Variants in POLR2M observed in about 807,000 individuals in gnomAD.
The protein encoded by POLR2M is protein GRINL1A.
Under a neutral mutation model 34.6 loss-of-function variants are expected in POLR2M, and 30 were observed. That is an observed-to-expected ratio of 0.87 (90% CI 0.65 to 1.18). The LOEUF (loss-of-function observed/expected upper bound fraction) is 1.18, where lower values mean the gene tolerates loss of function less well. Among genes scored for constraint, POLR2M ranks in the 50% most tolerant of loss-of-function variants. The pLI, the probability that POLR2M is intolerant of heterozygous loss-of-function variation, is 0.00. For synonymous variants in POLR2M, 150 were observed against 166.7 expected, an observed-to-expected ratio of 0.90 and a Z score of 0.77; for missense variants, 432 against 448.7, an observed-to-expected ratio of 0.96 and a Z score of 0.34.
chr15:57,709,574 C>T (rs911055811), intron 2 of POLR2M, among the ~76,000 whole-genome samples: 4 of 152,028 alleles, frequency 2.6e-5, no homozygotes, highest in African/African-American at 4.8e-5. Context: ...CTCTAAGTTC[C>T]GTGGGCTTTG....
chr15:57,716,193 C>T lies in POLR2M; in HGVS notation c.*1514C>T, dbSNP rs2040935744. On this transcript the variant is annotated 3_prime_UTR_variant, in exon 4 of 4. Coordinates refer to ENST00000299638, the MANE Select transcript of POLR2M (RefSeq NM_015532.5). ...AAAAATGAAATCATAATGTACATTG[C>T]TTTGTAGTCTGCTCTATATATTGTC... The T allele has an allele frequency of 1.3e-5, 2 of 152,184 alleles. No individual in the cohort carries two copies. The highest frequency in any genetic ancestry group is 2.4e-5 in the African/African-American group (1 of 41,418). 9.4% of individuals were successfully genotyped at this position (152,184 alleles called of 1,614,324 possible).
At chr15:57,710,976 A>C (rs1420062278) in intron 2 of POLR2M, among the ~76,000 whole-genome samples, 1 of 152,086 alleles carries the variant, frequency 6.6e-6, no homozygotes, top group African/African-American at 2.4e-5. Flanking sequence ...ACCCCTGTGC[A>C]CCTCTATCCC....
chr15:57,711,274 C>T (rs1183243378), intron 2 of POLR2M, among the ~76,000 whole-genome samples: 2 of 152,226 alleles, frequency 1.3e-5, no homozygotes, highest in African/African-American at 4.8e-5. Flanking sequence ...ACTCTCATCT[C>T]TCTCGGGCTG....
Position 57,709,329 on chromosome 15 carries a change from GC to G in POLR2M, c.733del (p.Gln245SerfsTer62). On this transcript the variant is annotated frameshift_variant, in exon 2 of 4. Transcript: ENST00000299638. LOFTEE classifies it high-confidence loss of function. ...VLEMRAKNPVPQLRKFKTNVL... is the reference protein window; with the variant it reads ...VLEMRAKNPVXQLRKFKTNVL... The stretch of plus-strand genomic sequence containing the variant: ...TAGAAATGCGAGCCAAAAACCCAGT[GC>G]CCCAGCTGCGTAAATTTAAAACCAA... 1 of 1,613,504 alleles carries G rather than the reference GC, an allele frequency of 6.2e-7. No individual in the cohort carries two copies. The highest frequency in any genetic ancestry group is 8.5e-7 in the Non-Finnish European group (1 of 1,179,738).
At chr15:57,712,774 C>T (rs956572181) in intron 3 of POLR2M, among the ~76,000 whole-genome samples, 4 of 152,154 alleles carry the variant, frequency 2.6e-5, no homozygotes, top group Admixed American at 1.3e-4. Flanking sequence ...ATGTGTTTTG[C>T]ATTGAACTTC....
chr15:57,712,040 T>C lies in POLR2M; in HGVS notation c.815T>C (p.Ile272Thr), dbSNP rs186738481. Residue 272 changes from isoleucine to threonine, a missense_variant, in exon 3 of 4, where the codon ATT (isoleucine) becomes ACT (threonine). Coordinates refer to ENST00000299638, the MANE Select transcript of POLR2M (RefSeq NM_015532.5). The stretch of plus-strand genomic sequence containing the variant: ...CATTGCCAGAAGAGTGGGTCTCCTA[T>C]TTCCTCAGAAGAGCGGCGGCGCAGG... ...SSHCQKSGSP[I>T]SSEERRRRDK... The C allele has an allele frequency of 6.2e-7, 1 of 1,614,096 alleles. No individual in the cohort carries two copies.
chr15:57,712,722 G>A (rs2040783750), intron 3 of POLR2M, among the ~76,000 whole-genome samples: 1 of 152,186 alleles, frequency 6.6e-6, no homozygotes. Flanking sequence ...AATATCTCCT[G>A]CTTTTGGCAG....
intron 1 of POLR2M, among the ~76,000 whole-genome samples, chr15:57,708,427 A>G (rs1280064668): frequency 1.3e-5 from 2 of 152,204 alleles, no homozygotes; most frequent in African/African-American, 2.4e-5. Context: ...GGTTCTTGGA[A>G]TGTCTTATGT....
rs2040917013 is a variant in POLR2M at position 57,715,748 on chromosome 15, T to C, written c.*1069T>C. ...TTAACTTACATTATCAAAAAATTCT[T>C]TGTCTAATATATTGGAGTCTTTAAA... On this transcript the variant is annotated 3_prime_UTR_variant, in exon 4 of 4. Transcript: ENST00000299638. 6.6e-6 allele frequency: 1 copy of C among 152,256 alleles called. No homozygotes were observed. Among genetic ancestry groups the C allele is most frequent in the Non-Finnish European group, 1.5e-5 (1 of 68,046 alleles). The allele number at this position is 152,256 out of a possible 1,614,324, so 9.4% of individuals were successfully genotyped here.
chr15:57,712,735 TAATC>T (rs1411939954), intron 3 of POLR2M, among the ~76,000 whole-genome samples: 1 of 152,238 alleles, frequency 6.6e-6, no homozygotes, highest in Non-Finnish European at 1.5e-5. Context: ...TTTGGCAGCT[TAATC>T]AATTTTGCAT....
At chr15:57,710,969 C>T (rs567954708) in intron 2 of POLR2M, among the ~76,000 whole-genome samples, 36 of 152,250 alleles carry the variant, frequency 2.4e-4, no homozygotes, top group African/African-American at 8.7e-4. Flanking sequence ...GAGGCTGACC[C>T]CTGTGCACCT....
chr15:57,714,421 C>A, intron 3 of POLR2M, 115 bp from the exon 4 acceptor site: 1 of 1,525,274 alleles, frequency 6.6e-7, no homozygotes, highest in Admixed American at 2.0e-5. Context: ...CCCAAGGGAG[C>A]ACTCAGTGAG....
In POLR2M at chr15:57,714,857, G is replaced by A; in HGVS notation, c.*178G>A. On this transcript the variant is annotated 3_prime_UTR_variant, in exon 4 of 4. Transcript: ENST00000299638. The stretch of plus-strand genomic sequence containing the variant: ...AAGGTGACTTTCATGTGCTTGAAAA[G>A]TTTAATATTTGAATATTGTGTTTAA... 1 of 1,030,990 alleles carries A rather than the reference G, an allele frequency of 9.7e-7. No homozygotes were observed. The highest frequency in any genetic ancestry group is 1.4e-6 in the Non-Finnish European group (1 of 726,902). 63.9% of individuals were successfully genotyped at this position (1,030,990 alleles called of 1,614,324 possible). A position where few individuals can be genotyped will look rare whatever the true frequency, so the allele number is the denominator to read the frequency against.
intron 3 of POLR2M, among the ~76,000 whole-genome samples, chr15:57,713,272 T>C (rs2040811844): frequency 1.3e-5 from 2 of 152,088 alleles, no homozygotes; most frequent in Non-Finnish European, 2.9e-5. Context: ...ATTGGCATTA[T>C]CAAGGTGCTC....
chr15:57,707,192 A>G (rs1293489742), intron 1 of POLR2M: 1 of 1,473,486 alleles, frequency 6.8e-7, no homozygotes, highest in African/African-American at 1.4e-5. Flanking sequence ...CTGGCGTTGC[A>G]GGGAGTTAGT....
At chr15:57,707,989 T>C (rs2040560018) in intron 1 of POLR2M, among the ~76,000 whole-genome samples, 1 of 152,198 alleles carries the variant, frequency 6.6e-6, no homozygotes, top group Admixed American at 6.5e-5. Context: ...GAAAAGGAAC[T>C]CTGTCATCCA....
In POLR2M at chr15:57,715,254, T is replaced by C. The variant is rs2040896374; in HGVS notation, c.*575T>C. 2.0e-5 allele frequency: 3 copies of C among 152,764 alleles called. No homozygotes were observed. Among genetic ancestry groups the C allele is most frequent in the African/African-American group, 4.8e-5 (2 of 41,464 alleles). The allele number at this position is 152,764 out of a possible 1,614,324, so 9.5% of individuals were successfully genotyped here. ...CTGTCTTCCCTTAGGAAGAACGTTATCTCTCTTCTGATTAGGAAGGACTTC... is the reference window on the plus strand; with the variant it reads ...CTGTCTTCCCTTAGGAAGAACGTTACCTCTCTTCTGATTAGGAAGGACTTC... On this transcript the variant is annotated 3_prime_UTR_variant, in exon 4 of 4. Coordinates refer to ENST00000299638, the MANE Select transcript of POLR2M (RefSeq NM_015532.5).
chr15:57,711,484 T>C (rs2040710681), intron 2 of POLR2M, among the ~76,000 whole-genome samples: 1 of 152,228 alleles, frequency 6.6e-6, no homozygotes, highest in Non-Finnish European at 1.5e-5. Context: ...TTCTGTACTT[T>C]CTCTCACTCC....
rs2040911604 is a variant in POLR2M at position 57,715,633 on chromosome 15, CAA to C, written c.*956_*957del. ...TGTCAGTACTTTACTTTTTTCCCCC[CAA>C]ATAGGTATATATAGACTGCAGAAGC... On this transcript the variant is annotated 3_prime_UTR_variant, in exon 4 of 4. Transcript: ENST00000299638. 6.6e-6 allele frequency: 1 copy of C among 151,258 alleles called. No individual in the cohort carries two copies. Among genetic ancestry groups the C allele is most frequent in the Admixed American group, 6.6e-5 (1 of 15,168 alleles). 9.4% of individuals were successfully genotyped at this position (151,258 alleles called of 1,614,324 possible).
Sources: gnomAD v4.1 joint callset for allele counts (sites outside exome capture counted in the v4.1 genomes callset) on GRCh38, gnomAD v4.1.1 for gene constraint, MANE v1.5 for transcripts, NCBI Gene and HGNC (gene_info 2026-07-23, HGNC 2026-07-21) for gene names.